Variants in CDH12 observed in about 807,000 individuals in gnomAD.
CDH12 encodes cadherin-12.
Under a neutral mutation model 74.1 loss-of-function variants are expected in CDH12, and 41 were observed. The observed-to-expected ratio is 0.55, with a 90% CI of 0.43 to 0.72. The LOEUF (loss-of-function observed/expected upper bound fraction) is 0.72, where lower values mean the gene tolerates loss of function less well. Ranked by LOEUF, CDH12 falls within the 30% of genes least tolerant of loss-of-function variation. The pLI, the probability that CDH12 is intolerant of heterozygous loss-of-function variation, is 0.00. For missense variants in CDH12, 945 were observed against 977.2 expected, an observed-to-expected ratio of 0.97 and a Z score of 0.44; for synonymous variants, 399 against 355.0, an observed-to-expected ratio of 1.12 and a Z score of -1.39.
chr5:22,576,453 T>G (rs1217439018), intron 1 of CDH12, among the ~76,000 whole-genome samples: 1 of 152,168 alleles, frequency 6.6e-6, no homozygotes, highest in Non-Finnish European at 1.5e-5. Flanking sequence ...ACATTAATCA[T>G]AAATTGAGAT....
chr5:21,828,882 T>C (rs1209686505), intron 8 of CDH12, among the ~76,000 whole-genome samples: 1 of 149,962 alleles, frequency 6.7e-6, no homozygotes, highest in Non-Finnish European at 1.5e-5. Context: ...CACATTTGTA[T>C]GCTTACAACC....
At chr5:22,668,913 C>G (rs1740763963) in intron 1 of CDH12, among the ~76,000 whole-genome samples, 2 of 151,874 alleles carry the variant, frequency 1.3e-5, no homozygotes. Context: ...CTTGGTCTCT[C>G]TCTTCTCTCT....
At chr5:22,256,017 C>G (rs1238855576) in intron 3 of CDH12, among the ~76,000 whole-genome samples, 3 of 152,054 alleles carry the variant, frequency 2.0e-5, no homozygotes, top group African/African-American at 4.8e-5. Flanking sequence ...AGCATCCAGT[C>G]TTCAAACCAT....
chr5:22,400,303 A>G (rs1561374952), intron 3 of CDH12, among the ~76,000 whole-genome samples: 3 of 152,156 alleles, frequency 2.0e-5, no homozygotes, highest in Non-Finnish European at 4.4e-5. Context: ...AAGGACTTAC[A>G]TCTTGATCTG....
chr5:22,123,183 T>C (rs79996657), intron 4 of CDH12, among the ~76,000 whole-genome samples: 2,036 of 152,246 alleles, frequency 0.013, 54 homozygotes, highest in African/African-American at 0.047. Context: ...TAAATGCCCT[T>C]ATAGAAGAGA....
rs558811416 is a variant in CDH12 at position 21,948,484 on chromosome 5, G to T, written c.526+26607C>A. On this transcript the variant is annotated intron_variant, in intron 6 of 14. Coordinates refer to ENST00000382254, the MANE Select transcript of CDH12 (RefSeq NM_004061.5). The stretch of plus-strand genomic sequence containing the variant: ...TTGACTAATTTCTCCAATTTGGAAT[G>T]GGAGCATTTATCCAATTCCTGTACC... 4.2e-4 allele frequency among the ~76,000 whole-genome samples: 64 copies of T among 152,304 alleles called. 1 individual carries two copies. The highest frequency in any genetic ancestry group is 1.9e-4 in the East Asian group (1 of 5,172).
intron 1 of CDH12, among the ~76,000 whole-genome samples, chr5:22,740,826 T>C (rs889378346): frequency 6.6e-6 from 1 of 152,040 alleles, no homozygotes; most frequent in Non-Finnish European, 1.5e-5. Context: ...CCTATAGAAC[T>C]GAATAAAAAC....
chr5:22,109,901 A>G (rs1744707837), intron 4 of CDH12, among the ~76,000 whole-genome samples: 1 of 152,168 alleles, frequency 6.6e-6, no homozygotes, highest in South Asian at 2.1e-4. Context: ...AAGCCCTCAT[A>G]AGGACAGGAA....
intron 8 of CDH12, among the ~76,000 whole-genome samples, chr5:21,824,958 G>A (rs571676367): frequency 4.6e-5 from 7 of 151,956 alleles, no homozygotes; most frequent in Non-Finnish European, 5.9e-5. Flanking sequence ...GTTCGAGACC[G>A]GCCTGGCCAA....
At chr5:22,089,342 G>A (rs1424185209) in intron 4 of CDH12, among the ~76,000 whole-genome samples, 3 of 152,090 alleles carry the variant, frequency 2.0e-5, no homozygotes, top group Non-Finnish European at 2.9e-5. Context: ...AGAAAAATGG[G>A]ATCCACACAC....
intron 2 of CDH12, among the ~76,000 whole-genome samples, chr5:22,428,616 C>T (rs1318937286): frequency 2.6e-5 from 4 of 152,018 alleles, no homozygotes; most frequent in Admixed American, 2.6e-4. Context: ...GATAGGTTTC[C>T]TGTTAGTTTG....
intron 4 of CDH12, among the ~76,000 whole-genome samples, chr5:22,156,549 A>G (rs1748033892): frequency 6.6e-6 from 1 of 152,140 alleles, no homozygotes; most frequent in African/African-American, 2.4e-5. Flanking sequence ...TAAATCATTG[A>G]GAAAAAAAAG....
chr5:22,458,227 C>T (rs985908002), intron 2 of CDH12, among the ~76,000 whole-genome samples: 2 of 152,144 alleles, frequency 1.3e-5, no homozygotes, highest in Non-Finnish European at 2.9e-5. Flanking sequence ...ATTCTTGCTG[C>T]TCCTTGGTTG....
intron 3 of CDH12, among the ~76,000 whole-genome samples, chr5:22,308,856 AGAGAGAGAGAGAG>A (rs1387233803): frequency 1.2e-4 from 16 of 134,900 alleles, no homozygotes; most frequent in African/African-American, 4.4e-4. Context: ...ATACACACAG[AGAGAGAGAGAGAG>A]GAGAGAGAGA....
chr5:21,898,657 G>C (rs971977860), intron 6 of CDH12, among the ~76,000 whole-genome samples: 1 of 151,920 alleles, frequency 6.6e-6, no homozygotes, highest in Non-Finnish European at 1.5e-5. Flanking sequence ...AGCTGAGATC[G>C]CGCCACTGCT....
chr5:22,710,761 T>G (rs1320737179), intron 1 of CDH12, among the ~76,000 whole-genome samples: 1 of 152,114 alleles, frequency 6.6e-6, no homozygotes, highest in African/African-American at 2.4e-5. Flanking sequence ...GTTGACAGCC[T>G]CAGTGGAGAG....
chr5:21,911,561 T>A (rs1449589858), intron 6 of CDH12, among the ~76,000 whole-genome samples: 1 of 152,026 alleles, frequency 6.6e-6, no homozygotes, highest in Non-Finnish European at 1.5e-5. Context: ...ATGATTAAAG[T>A]CATATATAGC....
rs148636184 is a variant in CDH12, at chr5:22,348,140, C to T, written c.-333+57117G>A. On this transcript the variant is annotated intron_variant, in intron 3 of 14. Transcript: ENST00000382254. The stretch of plus-strand genomic sequence containing the variant: ...CTGGCACTAACGTTACAGGCAGCAG[C>T]GACCACCACAGCCCTGATAGAGTCA... Among the ~76,000 whole-genome samples the T allele has an allele frequency of 7.9e-5, 12 of 152,280 alleles. No homozygotes were observed. The East Asian group carries it at 1.9e-3, about 25-fold the overall frequency.
chr5:22,538,117 G>A (rs948334933), intron 1 of CDH12, among the ~76,000 whole-genome samples: 3 of 152,212 alleles, frequency 2.0e-5, no homozygotes, highest in South Asian at 2.1e-4. Flanking sequence ...AAGGCATCAG[G>A]CTAATCTTTT....
Sources: allele counts gnomAD v4.1 joint callset (sites outside exome capture counted in the v4.1 genomes callset), GRCh38; gene constraint gnomAD v4.1.1; transcripts MANE v1.5; gene names NCBI Gene and HGNC (gene_info 2026-07-23, HGNC 2026-07-21).